The following ATP10A variants were observed in gnomAD, a reference collection of about 807,000 sequenced individuals.
The protein encoded by ATP10A is ATPase phospholipid transporting 10A (putative), also known as phospholipid-transporting ATPase VA.
Under a neutral mutation model 147.8 loss-of-function variants are expected in ATP10A, and 111 were observed. The ratio of observed to expected loss-of-function variants is 0.75; its 90% CI spans 0.64 to 0.88. The LOEUF (loss-of-function observed/expected upper bound fraction) is 0.88. ATP10A is among the 40% of genes least tolerant of loss of function. The pLI, the probability that ATP10A is intolerant of heterozygous loss-of-function variation, is 0.00. For synonymous variants in ATP10A, 875 were observed against 841.6 expected, an observed-to-expected ratio of 1.04 and a Z score of -0.69; for missense variants, 1,927 against 1,959.0, an observed-to-expected ratio of 0.98 and a Z score of 0.31.
At chr15:25,729,353 T>A (rs1902806757) in intron 3 of ATP10A, among the ~76,000 whole-genome samples, 1 of 152,148 alleles carries the variant, frequency 6.6e-6, no homozygotes, top group Admixed American at 6.5e-5. Flanking sequence ...CATTTTTACA[T>A]CCATTCAACC....
rs572313621 is a variant in ATP10A at position 25,732,784 on chromosome 15, T to C, written c.740+3272A>G. On this transcript the variant is annotated intron_variant, in intron 3 of 20. Transcript: ENST00000555815. The stretch of plus-strand genomic sequence containing the variant: ...GTTAGCCAGGATGGTCTTGATCTCC[T>C]GACCTCATGATCTGCCCGCCCCGGC... 4.6e-4 allele frequency among the ~76,000 whole-genome samples: 70 copies of C among 152,042 alleles called. 1 individual carries two copies. Among genetic ancestry groups the C allele is most frequent in the African/African-American group, 1.7e-3 (69 of 41,480 alleles).
At chr15:25,756,372 G>C (rs963318129) in intron 2 of ATP10A, among the ~76,000 whole-genome samples, 1 of 152,118 alleles carries the variant, frequency 6.6e-6, no homozygotes, top group African/African-American at 2.4e-5. Context: ...GGCCAGGCGC[G>C]GTGGCTCACG....
chr15:25,693,489 C>T (rs2140315801), intron 14 of ATP10A, among the ~76,000 whole-genome samples: 1 of 152,354 alleles, frequency 6.6e-6, no homozygotes, highest in East Asian at 1.9e-4. Flanking sequence ...AGGGAAACAT[C>T]ATTCACGTCT....
intron 1 of ATP10A, among the ~76,000 whole-genome samples, chr15:25,787,777 C>A (rs1823156074): frequency 6.6e-6 from 1 of 152,098 alleles, no homozygotes. Context: ...CTGGAGGGGG[C>A]TTGTCCAAGA....
intron 1 of ATP10A, among the ~76,000 whole-genome samples, chr15:25,851,580 C>T (rs1015302878): frequency 6.6e-6 from 1 of 152,192 alleles, no homozygotes; most frequent in African/African-American, 2.4e-5. Context: ...AATGCTTCTT[C>T]TAGTGAGGTA....
chr15:25,713,914 C>T lies in ATP10A; in HGVS notation c.2104G>A (p.Ala702Thr), dbSNP rs761040930. Residue 702 changes from alanine to threonine, a missense_variant, in exon 10 of 21, where the codon GCA becomes ACA. Coordinates refer to ENST00000555815, the MANE Select transcript of ATP10A (RefSeq NM_024490.4). Reference protein sequence around the residue: ...RYEAESPDEAALVYAARAYNC... With the variant: ...RYEAESPDEATLVYAARAYNC... ...TAGGCTCTGGCCGCATACACCAGTG[C>T]GGCCTCATCCGGGCTCTCCGCCTCG... The T allele has an allele frequency of 7.4e-6, 12 of 1,612,708 alleles. No homozygotes were observed. The highest frequency in any genetic ancestry group is 4.5e-5 in the East Asian group (2 of 44,888).
At chr15:25,838,679 C>T (rs1892685280) in intron 1 of ATP10A, among the ~76,000 whole-genome samples, 1 of 152,290 alleles carries the variant, frequency 6.6e-6, no homozygotes, top group East Asian at 1.9e-4. Context: ...AACAGAGTCC[C>T]TCGGGGCTTT....
chr15:25,739,360 A>G (rs1403750774), intron 2 of ATP10A, among the ~76,000 whole-genome samples: 2 of 152,222 alleles, frequency 1.3e-5, no homozygotes, highest in African/African-American at 4.8e-5. Context: ...ATGCCTGTGG[A>G]TGTGGGCTTA....
At chr15:25,765,735 A>T (rs941173625) in intron 2 of ATP10A, among the ~76,000 whole-genome samples, 7 of 152,334 alleles carry the variant, frequency 4.6e-5, no homozygotes, top group African/African-American at 1.7e-4. Context: ...GAGGTATTGT[A>T]TTCATGATCA....
intron 2 of ATP10A, among the ~76,000 whole-genome samples, chr15:25,776,738 C>A (rs1263329506): frequency 6.6e-6 from 1 of 152,206 alleles, no homozygotes; most frequent in African/African-American, 2.4e-5. Context: ...GTGGGCCATG[C>A]CCACCGCCTT....
At chr15:25,812,972 T>A (rs1596939096) in intron 1 of ATP10A, among the ~76,000 whole-genome samples, 2 of 152,192 alleles carry the variant, frequency 1.3e-5, no homozygotes, top group Non-Finnish European at 2.9e-5. Context: ...CAAGGTGAGC[T>A]CTCTGTCCCA....
At chr15:25,699,996 A>G (rs962771040) in intron 13 of ATP10A, among the ~76,000 whole-genome samples, 1 of 152,238 alleles carries the variant, frequency 6.6e-6, no homozygotes, top group Non-Finnish European at 1.5e-5. Flanking sequence ...CACATAGCCC[A>G]CAAAGGACTT....
rs578083036 is a variant in ATP10A, at chr15:25,703,591, AC to A, written c.2576-1492del. On this transcript the variant is annotated intron_variant, in intron 12 of 20. Coordinates refer to ENST00000555815, the MANE Select transcript of ATP10A (RefSeq NM_024490.4). ...GACAGCAGAACAAACGAACTAAGCC[AC>A]CCTTACCCCTTCTTCTAGAATGATG... Among the ~76,000 whole-genome samples the A allele has an allele frequency of 7.2e-5, 11 of 152,318 alleles. No homozygotes were observed. The South Asian group carries it at 2.3e-3, about 32-fold the overall frequency.
At position 25,721,837 on chromosome 15, in the gene ATP10A, C is replaced by T. The variant is rs751093682; in HGVS notation, c.1183G>A (p.Asp395Asn). 9 of 1,614,150 alleles carry T rather than the reference C, an allele frequency of 5.6e-6. No individual in the cohort carries two copies. Among genetic ancestry groups the T allele is most frequent in the Non-Finnish European group, 7.6e-6 (9 of 1,180,034 alleles). Reference protein sequence around the residue: ...KACQVYFINQDMQLYDEETDS... With the variant: ...KACQVYFINQNMQLYDEETDS... ...GTTTCTTCGTCATACAACTGCATGT[C>T]CTGGTTAATGAAGTACACTTGGCAT... is the stretch of plus-strand genomic sequence containing the variant. Residue 395 changes from aspartate to asparagine, a missense_variant, in exon 7 of 21, where the codon GAC becomes AAC. Coordinates refer to ENST00000555815, the MANE Select transcript of ATP10A (RefSeq NM_024490.4).
intron 1 of ATP10A, among the ~76,000 whole-genome samples, chr15:25,857,130 C>T (rs1321474306): frequency 6.6e-6 from 1 of 152,150 alleles, no homozygotes; most frequent in Non-Finnish European, 1.5e-5. Context: ...AATCTGAACA[C>T]ACACTGGGTA....
rs778050331 is a variant in ATP10A at position 25,862,794 on chromosome 15, C to T, written c.303G>A (p.Pro101=). The change falls in exon 1 of 21, where the codon CCG becomes CCA. Residue 101 remains proline (P), a synonymous_variant. Transcript: ENST00000555815. ...GGCCGGGCTGGAAGGCGTTCACCGC[C>T]GGCACGAAGTTGAGCAGCGCGATGA... The part of the protein sequence containing the change: ...FVFIALLNFV[P]AVNAFQPGLA... 1.4e-5 allele frequency: 23 copies of T among 1,610,266 alleles called. No homozygotes were observed. Among genetic ancestry groups the T allele is most frequent in the Admixed American group, 3.4e-5 (2 of 59,646 alleles).
chr15:25,822,840 G>C (rs1242107748), intron 1 of ATP10A, among the ~76,000 whole-genome samples: 1 of 152,068 alleles, frequency 6.6e-6, no homozygotes, highest in East Asian at 1.9e-4. Context: ...CAAAGTTTTA[G>C]CCAAATAGAA....
chr15:25,855,061 C>CAAAAAAAAA (rs58243465), intron 1 of ATP10A, among the ~76,000 whole-genome samples: 1 of 65,998 alleles, frequency 1.5e-5, no homozygotes, highest in African/African-American at 4.1e-5. Context: ...CTCCGTCTCA[C>CAAAAAAAAA]AAAAAAAAAA....
Position 25,695,057 on chromosome 15 carries a change from C to T in ATP10A, c.2850G>A (p.Val950=), listed in dbSNP as rs769844075. The T allele has an allele frequency of 1.2e-5, 20 of 1,614,184 alleles. No homozygotes were observed. Among genetic ancestry groups the T allele is most frequent in the Non-Finnish European group, 1.7e-5 (20 of 1,180,042 alleles). ...GGCAGAGAGAGGAGAACCTCATGCTCACTTTGCCCTTGGTCTTCTCAGGGG... is the reference window on the plus strand; with the variant it reads ...GGCAGAGAGAGGAGAACCTCATGCTTACTTTGCCCTTGGTCTTCTCAGGGG... ...QRAPEKTKGK[V]SMRFSSLCPP... Residue 950 remains valine (V), a synonymous_variant, in exon 14 of 21, where the codon GTG becomes GTA. Coordinates refer to ENST00000555815, the MANE Select transcript of ATP10A (RefSeq NM_024490.4).
Sources: allele counts gnomAD v4.1 joint callset (sites outside exome capture counted in the v4.1 genomes callset), GRCh38; gene constraint gnomAD v4.1.1; transcripts MANE v1.5; gene names NCBI Gene and HGNC (gene_info 2026-07-23, HGNC 2026-07-21).